Variants in ENKUR observed in about 807,000 individuals in gnomAD.
The protein encoded by ENKUR is enkurin.
In ENKUR, 19 loss-of-function variants were observed where a neutral mutation model predicts 27.6. The ratio of observed to expected loss-of-function variants is 0.69; its 90% confidence interval spans 0.48 to 1.01. The LOEUF is 1.01. Among genes scored for constraint, ENKUR ranks in the 50% least tolerant of loss-of-function variants. The probability of loss-of-function intolerance (pLI) is 0.00; values close to 1 mark genes in which losing one functional copy is unlikely to be tolerated. For synonymous variants in ENKUR, 117 were observed against 96.9 expected (o/e 1.21, Z -1.22); for missense variants, 312 against 310.5 (o/e 1.00, Z -0.04).
chr10:25,023,929 C>CA (rs762656323), intron 2 of ENKUR: 8 of 1,614,004 alleles, frequency 5.0e-6, no homozygotes, highest in African/African-American at 1.3e-5. Flanking sequence ...TTCAACAAGA[C>CA]ACGTTTGGCC....
chr10:25,023,455 A>C, intron 2 of ENKUR: 1 of 1,614,184 alleles, frequency 6.2e-7, no homozygotes, highest in South Asian at 1.1e-5. Flanking sequence ...AATAGGTCAG[A>C]AACTAGGTTG....
intron 2 of ENKUR, among the ~76,000 whole-genome samples, chr10:25,028,069 A>G (rs1281997897): frequency 6.6e-6 from 1 of 152,178 alleles, no homozygotes; most frequent in Non-Finnish European, 1.5e-5. Context: ...AAGGACATAG[A>G]ATCTAAGATG....
chr10:25,048,370 G>C (rs1435078802), intron 2 of ENKUR, among the ~76,000 whole-genome samples: 3 of 152,080 alleles, frequency 2.0e-5, no homozygotes, highest in South Asian at 2.1e-4. Flanking sequence ...CGTGAAGCGT[G>C]GAGGCGATAT....
chr10:24,999,575 T>C (rs1175518029), intron 1 of ENKUR, 29 bp from the exon 2 acceptor site: 1 of 1,550,538 alleles, frequency 6.4e-7, no homozygotes. Context: ...AGTTGTAGCA[T>C]TTATACTTCT....
chr10:25,045,099 T>A (rs1231109215), intron 2 of ENKUR, among the ~76,000 whole-genome samples: 1 of 152,210 alleles, frequency 6.6e-6, no homozygotes, highest in Non-Finnish European at 1.5e-5. Flanking sequence ...ATTTCAAGGG[T>A]TGAAATCCTT....
At position 25,015,815 on chromosome 10, in the gene ENKUR, T is replaced by A. The variant is rs1031603384; in HGVS notation, c.77+45A>T. 7.8e-6 allele frequency: 12 copies of A among 1,533,480 alleles called. No homozygotes were observed. In the African/African-American group the frequency reaches 1.5e-4, roughly 20 times the overall value. 95.0% of individuals were successfully genotyped at this position (1,533,480 alleles called of 1,614,324 possible). On this transcript the variant is annotated intron_variant, in intron 1 of 5. Coordinates refer to ENST00000331161, the MANE Select transcript of ENKUR (RefSeq NM_145010.4). Reference sequence around the variant, plus strand: ...ATGTATGCTTAATTAATACTGAGTATTCCCCATTCTTGTTTCAAGTGATAG... The same window carrying A: ...ATGTATGCTTAATTAATACTGAGTAATCCCCATTCTTGTTTCAAGTGATAG...
intron 2 of ENKUR, among the ~76,000 whole-genome samples, chr10:25,052,076 T>C (rs1321518009): frequency 6.6e-6 from 1 of 152,242 alleles, no homozygotes; most frequent in Non-Finnish European, 1.5e-5. Flanking sequence ...TCCATTGTCA[T>C]TTATCATTAA....
intron 2 of ENKUR, among the ~76,000 whole-genome samples, chr10:25,058,824 G>A (rs1322080053): frequency 2.6e-5 from 4 of 151,780 alleles, no homozygotes; most frequent in East Asian, 2.0e-4. Context: ...CCAGCTACTC[G>A]GGAGGCTGAG....
intron 2 of ENKUR, chr10:25,023,947 T>G (rs1285806140): frequency 1.2e-6 from 2 of 1,614,168 alleles, no homozygotes; most frequent in East Asian, 4.5e-5. Flanking sequence ...GCCTGAAGAC[T>G]GTGAACAGAA....
At chr10:24,997,077 G>A (rs1460838727) in intron 2 of ENKUR, among the ~76,000 whole-genome samples, 6 of 152,140 alleles carry the variant, frequency 3.9e-5, no homozygotes, top group Non-Finnish European at 8.8e-5. Context: ...TGCTGCGTGT[G>A]GTGTTGCATG....
chr10:25,031,397 C>T lies in ENKUR; in HGVS notation c.37+29715G>A, dbSNP rs138159009. Among the ~76,000 whole-genome samples the T allele has an allele frequency of 1.4e-4, 22 of 152,168 alleles. No homozygotes were observed. In the East Asian group the frequency reaches 3.9e-3, roughly 27 times the overall value. On this transcript the variant is annotated intron_variant, in intron 2 of 5. Transcript: ENST00000615958. ...AATGAAAGGTCATGTGGAAAGAGGC[C>T]TTAGAGGGTGAAAGGACATCTTGGA...
rs137903766 is a variant in ENKUR at position 25,021,842 on chromosome 10, A to G, written c.38-25973T>C. On this transcript the variant is annotated intron_variant, in intron 2 of 5. Coordinates refer to the ENKUR transcript ENST00000615958. Reference sequence around the variant, plus strand: ...TTACAAGTCAGTGGAAATTAAGCACAACACATATAAATTGAAAAGTCAAAT... The same window carrying G: ...TTACAAGTCAGTGGAAATTAAGCACGACACATATAAATTGAAAAGTCAAAT... The G allele has an allele frequency of 3.6e-4, 55 of 152,322 alleles. No homozygotes were observed. The East Asian group carries it at 9.1e-3, about 25-fold the overall frequency. 9.4% of individuals were successfully genotyped at this position (152,322 alleles called of 1,614,324 possible).
intron 2 of ENKUR, chr10:25,024,850 T>G (rs1850813073): frequency 6.2e-7 from 1 of 1,614,126 alleles, no homozygotes; most frequent in African/African-American, 1.3e-5. Context: ...TTTGACTGAT[T>G]TTATAAAAAC....
chr10:25,002,004 C>G (rs901467760), intron 1 of ENKUR, among the ~76,000 whole-genome samples: 18 of 151,914 alleles, frequency 1.2e-4, no homozygotes, highest in African/African-American at 4.4e-4. Context: ...AAATTTCTTC[C>G]TTAGCTTTTT....
At chr10:25,014,246 G>A (rs74774619) in intron 1 of ENKUR, among the ~76,000 whole-genome samples, 2,082 of 152,204 alleles carry the variant, frequency 0.014, 16 homozygotes, top group Non-Finnish European at 0.02. Context: ...ACTCTGAGGC[G>A]TGGGAGATCA....
chr10:24,984,382 G>GAAAAAAAAAA lies in ENKUR; in HGVS notation c.765-16_765-7dup. 1.4e-6 allele frequency: 2 copies of GAAAAAAAAAA among 1,397,958 alleles called. No individual in the cohort carries two copies. The highest frequency in any genetic ancestry group is 2.8e-5 in the Admixed American group (1 of 35,960). The allele number at this position is 1,397,958 out of a possible 1,614,324, so 86.6% of individuals were successfully genotyped here. On this transcript the variant is annotated splice_polypyrimidine_tract_variant and splice_region_variant and intron_variant, in intron 5 of 5. Coordinates refer to ENST00000331161, the MANE Select transcript of ENKUR (RefSeq NM_145010.4). Reference sequence around the variant, plus strand: ...TGTGCTGTTGGTATCATGCGCTGCAGAAAAAAAAAAAAAAAAGTGAAGTTC... The same window carrying GAAAAAAAAAA: ...TGTGCTGTTGGTATCATGCGCTGCAGAAAAAAAAAAAAAAAAAAAAAAAAAAGTGAAGTTC...
intron 1 of ENKUR, among the ~76,000 whole-genome samples, chr10:25,008,667 G>T (rs1254517221): frequency 1.3e-5 from 2 of 152,220 alleles, no homozygotes; most frequent in Non-Finnish European, 2.9e-5. Flanking sequence ...TGGTGGGACT[G>T]TCAACTAGTT....
chr10:24,997,807 T>TTATATATATATATATATATATATATA (rs58973955), intron 2 of ENKUR, among the ~76,000 whole-genome samples: 114 of 144,906 alleles, frequency 7.9e-4, no homozygotes, highest in African/African-American at 1.7e-3. Context: ...CACAAAGGAT[T>TTATATATATATATATATATATATATA]TATATATATA....
intron 2 of ENKUR, chr10:25,024,479 A>G: frequency 6.2e-7 from 1 of 1,614,232 alleles, no homozygotes; most frequent in Middle Eastern, 1.6e-4. Flanking sequence ...CAAAAAGCAC[A>G]AATAATTGGC....
Sources: gnomAD v4.1 joint callset for allele counts (sites outside exome capture counted in the v4.1 genomes callset) on GRCh38, gnomAD v4.1.1 for gene constraint, MANE v1.5 for transcripts, NCBI Gene and HGNC (gene_info 2026-07-23, HGNC 2026-07-21) for gene names.